The following PPARD variants were observed in gnomAD, a reference collection of about 807,000 sequenced individuals.
PPARD encodes peroxisome proliferator activated receptor delta, also known as peroxisome proliferator-activated receptor delta.
A neutral mutation model predicts 39.5 loss-of-function variants in PPARD; 6 were observed. The observed-to-expected ratio is 0.15, with a 90% CI of 0.08 to 0.30. The LOEUF is 0.30. PPARD is among the 10% of genes least tolerant of loss of function. The pLI is 1.00. For missense variants in PPARD, 397 were observed against 596.8 expected (o/e 0.67, Z 3.49); for synonymous variants, 210 against 231.3 (o/e 0.91, Z 0.83).
At chr6:35,391,964 G>A (rs561573330) in intron 2 of PPARD, among the ~76,000 whole-genome samples, 9 of 152,150 alleles carry the variant, frequency 5.9e-5, no homozygotes, top group African/African-American at 1.9e-4. Flanking sequence ...TGGTTGTTAT[G>A]ATTGTGGCAC....
At chr6:35,397,462 A>G in intron 2 of PPARD, 1 of 880,376 alleles carries the variant, frequency 1.1e-6, no homozygotes, top group Non-Finnish European at 1.4e-6. Flanking sequence ...CATTTCTACC[A>G]ATTTATGCTC....
intron 2 of PPARD, among the ~76,000 whole-genome samples, chr6:35,362,097 A>G (rs1761952843): frequency 6.6e-6 from 1 of 152,198 alleles, no homozygotes; most frequent in South Asian, 2.1e-4. Flanking sequence ...GCTTTGATAT[A>G]TGATTTTTTT....
chr6:35,381,229 C>T (rs73411790), intron 2 of PPARD, among the ~76,000 whole-genome samples: 7,233 of 152,096 alleles, frequency 0.048, 396 homozygotes, highest in African/African-American at 0.14. Context: ...CTCCTGACCT[C>T]CAGTGAACAA....
chr6:35,374,906 T>G (rs986320853), intron 2 of PPARD, among the ~76,000 whole-genome samples: 2 of 152,124 alleles, frequency 1.3e-5, no homozygotes, highest in African/African-American at 2.4e-5. Context: ...CTCCTCAGCC[T>G]CTTTTAATCA....
rs138807892 is a variant in PPARD at position 35,348,233 on chromosome 6, C to T, written c.-102+1083C>T. On this transcript the variant is annotated intron_variant, in intron 2 of 7. Coordinates refer to ENST00000360694, the MANE Select transcript of PPARD (RefSeq NM_006238.5). ...GGGAACAAATATTTTTAAGTGCCAA[C>T]TATGTGCCAGGCACTTGGGAAATGA... is the stretch of plus-strand genomic sequence containing the variant. 1.0e-4 allele frequency: 60 copies of T among 591,156 alleles called. No homozygotes were observed. The East Asian group carries it at 8.1e-3, about 80-fold the overall frequency. The allele number at this position is 591,156 out of a possible 1,614,324, so 36.6% of individuals were successfully genotyped here. A position where few individuals can be genotyped will look rare whatever the true frequency, so the allele number is the denominator to read the frequency against.
chr6:35,402,676 GTGACTCTCTGGGC>G (rs1159254273), intron 2 of PPARD, among the ~76,000 whole-genome samples: 1 of 152,142 alleles, frequency 6.6e-6, no homozygotes, highest in Non-Finnish European at 1.5e-5. Context: ...TTGGCCTCAG[GTGACTCTCTGGGC>G]TGACTCTGGC....
At position 35,401,937 on chromosome 6, in the gene PPARD, C is replaced by T. The variant is rs1251899713; in HGVS notation, c.-101-9050C>T. Among the ~76,000 whole-genome samples the T allele has an allele frequency of 6.6e-6, 1 of 152,082 alleles. No homozygotes were observed. The highest frequency in any genetic ancestry group is 1.5e-5 in the Non-Finnish European group (1 of 68,034). On this transcript the variant is annotated intron_variant, in intron 2 of 7. Coordinates refer to ENST00000360694, the MANE Select transcript of PPARD (RefSeq NM_006238.5). The surrounding 1 kb of genome is among the most constrained non-coding windows in gnomAD (Gnocchi z 4.1). ...GTCTCTGGTGAGTCTCTCTGCTGGC[C>T]GGCAGAACCACCCTACCCTGGAAGC...
In PPARD at chr6:35,397,665, TAAC is replaced by T. The variant is rs1167680982; in HGVS notation, c.-101-13317_-101-13315del. The T allele has an allele frequency of 1.5e-5, 9 of 585,302 alleles. 1 individual carries two copies. Among genetic ancestry groups the T allele is most frequent in the Non-Finnish European group, 1.9e-5 (9 of 464,544 alleles). 36.3% of individuals were successfully genotyped at this position (585,302 alleles called of 1,614,324 possible). On this transcript the variant is annotated intron_variant, in intron 2 of 7. Coordinates refer to ENST00000360694, the MANE Select transcript of PPARD (RefSeq NM_006238.5). ...CTGATACTTGAGGGTTATGTGAATCTAACAACAGACAAAAATCTCTGCCTCCTG... is the reference window on the plus strand; with the variant it reads ...CTGATACTTGAGGGTTATGTGAATCTAACAGACAAAAATCTCTGCCTCCTG...
intron 2 of PPARD, among the ~76,000 whole-genome samples, chr6:35,408,206 T>G (rs1446773102): frequency 1.3e-5 from 2 of 152,186 alleles, no homozygotes; most frequent in African/African-American, 4.8e-5. Flanking sequence ...GGGCAGAAGT[T>G]TGTCTCTCTA....
intron 2 of PPARD, among the ~76,000 whole-genome samples, chr6:35,370,168 G>T (rs1455333197): frequency 6.6e-6 from 1 of 152,186 alleles, no homozygotes; most frequent in Non-Finnish European, 1.5e-5. Context: ...GGGAATTGAT[G>T]CTGTCTGTGT....
intron 2 of PPARD, among the ~76,000 whole-genome samples, chr6:35,400,290 C>T (rs1236117907): frequency 6.6e-6 from 1 of 152,198 alleles, no homozygotes; most frequent in East Asian, 1.9e-4. Context: ...GTCCCCTCAC[C>T]TAGAGCATTC....
intron 2 of PPARD, among the ~76,000 whole-genome samples, chr6:35,403,187 G>C (rs1276593224): frequency 6.6e-6 from 1 of 152,174 alleles, no homozygotes; most frequent in African/African-American, 2.4e-5. Flanking sequence ...ACATTTCTAG[G>C]ACTGGAATAT....
chr6:35,373,878 T>A (rs1762638117), intron 2 of PPARD, among the ~76,000 whole-genome samples: 1 of 152,104 alleles, frequency 6.6e-6, no homozygotes. Context: ...ACCATGTTGC[T>A]CAGGCTGGTC....
intron 2 of PPARD, among the ~76,000 whole-genome samples, chr6:35,383,442 C>T (rs1332623135): frequency 2.0e-5 from 3 of 152,220 alleles, no homozygotes; most frequent in East Asian, 1.9e-4. Flanking sequence ...AGCCTCTGCC[C>T]GGCCGCCACC....
In PPARD at chr6:35,400,392, G is replaced by A. The variant is rs142345296; in HGVS notation, c.-101-10595G>A. 1.4e-4 allele frequency among the ~76,000 whole-genome samples: 22 copies of A among 152,276 alleles called. No homozygotes were observed. The East Asian group carries it at 3.9e-3, about 27-fold the overall frequency. ...CTGCCTTCACTCATCTCACTGGGTC[G>A]ATTAAGTGATGTGTGATGTACCTGA... On this transcript the variant is annotated intron_variant, in intron 2 of 7. Transcript: ENST00000360694.
intron 2 of PPARD, among the ~76,000 whole-genome samples, chr6:35,402,811 C>T (rs1249351547): frequency 2.6e-5 from 4 of 152,136 alleles, no homozygotes; most frequent in Non-Finnish European, 5.9e-5. Flanking sequence ...AAAACCAGGT[C>T]ACTAGGTCAG....
chr6:35,390,865 TA>T (rs1000699989), intron 2 of PPARD, among the ~76,000 whole-genome samples: 1 of 151,454 alleles, frequency 6.6e-6, no homozygotes, highest in African/African-American at 2.4e-5. Context: ...CTATTAAAAA[TA>T]AAAAAAATTA....
chr6:35,403,305 C>T (rs1259374321), intron 2 of PPARD, among the ~76,000 whole-genome samples: 1 of 152,208 alleles, frequency 6.6e-6, no homozygotes, highest in African/African-American at 2.4e-5. Flanking sequence ...TAAGCAGTTA[C>T]TGCATCGTTA....
intron 2 of PPARD, among the ~76,000 whole-genome samples, chr6:35,395,699 TC>T (rs1764270210): frequency 6.6e-6 from 1 of 152,112 alleles, no homozygotes; most frequent in African/African-American, 2.4e-5. Flanking sequence ...GTCTAATTGG[TC>T]AGGATACAGA....
Sources: allele counts gnomAD v4.1 joint callset (sites outside exome capture counted in the v4.1 genomes callset), GRCh38; gene constraint gnomAD v4.1.1; non-coding constraint Gnocchi (gnomAD v3.1); transcripts MANE v1.5; gene names NCBI Gene and HGNC (gene_info 2026-07-23, HGNC 2026-07-21).